SORCS3: variants seen among roughly 807,000 people sequenced by gnomAD.
SORCS3 encodes VPS10 domain-containing receptor SorCS3.
SORCS3 carries 57 observed loss-of-function variants against 146.3 expected under a neutral mutation model. The ratio of observed to expected loss-of-function variants is 0.39; its 90% CI spans 0.31 to 0.49. SORCS3 has a LOEUF of 0.49. Ranked by LOEUF, SORCS3 falls within the 20% of genes least tolerant of loss-of-function variation. The probability of loss-of-function intolerance (pLI) is 0.92; values close to 1 mark genes in which losing one functional copy is unlikely to be tolerated. For synonymous variants in SORCS3, 653 were observed against 618.5 expected, an observed-to-expected ratio of 1.06 and a Z score of -0.83; for missense variants, 1,341 against 1,575.5, an observed-to-expected ratio of 0.85 and a Z score of 2.52.
chr10:104,989,352 A>G (rs148999910), intron 4 of SORCS3, among the ~76,000 whole-genome samples: 9 of 152,344 alleles, frequency 5.9e-5, no homozygotes, highest in Non-Finnish European at 1.2e-4. Context: ...AATTAATTAT[A>G]GAACATTGAC....
chr10:105,258,138 C>T (rs2119767780), intron 25 of SORCS3, among the ~76,000 whole-genome samples: 1 of 152,266 alleles, frequency 6.6e-6, no homozygotes, highest in Admixed American at 6.5e-5. Context: ...TACCTCTCAG[C>T]ATTAGCCGCA....
intron 1 of SORCS3, among the ~76,000 whole-genome samples, chr10:104,781,758 G>A (rs569992435): frequency 5.3e-5 from 8 of 152,348 alleles, no homozygotes; most frequent in African/African-American, 7.2e-5. Context: ...AGATGGGCAG[G>A]TGCCCCCATA....
intron 1 of SORCS3, among the ~76,000 whole-genome samples, chr10:104,754,251 T>C (rs2017021315): frequency 6.6e-6 from 1 of 152,190 alleles, no homozygotes; most frequent in African/African-American, 2.4e-5. Context: ...CTCTGCTCTC[T>C]ACCAGTTTGT....
chr10:105,114,132 C>T (rs1331174520), intron 7 of SORCS3, among the ~76,000 whole-genome samples: 1 of 152,102 alleles, frequency 6.6e-6, no homozygotes, highest in Admixed American at 6.6e-5. Flanking sequence ...AGAACAGTCC[C>T]TTAGTAACCT....
At chr10:104,701,215 T>C (rs1445553634) in intron 1 of SORCS3, among the ~76,000 whole-genome samples, 1 of 152,196 alleles carries the variant, frequency 6.6e-6, no homozygotes, top group Non-Finnish European at 1.5e-5. Flanking sequence ...AAAAATCTCA[T>C]AGCAAGTGCA....
At chr10:105,214,377 C>T (rs2056652451) in intron 17 of SORCS3, 65 bp from the exon 18 acceptor site, 6 of 1,570,998 alleles carry the variant, frequency 3.8e-6, no homozygotes, top group Non-Finnish European at 4.4e-6. Context: ...CACACACACA[C>T]ACACATACAA....
At chr10:105,089,303 C>G (rs1223815030) in intron 5 of SORCS3, among the ~76,000 whole-genome samples, 1 of 152,156 alleles carries the variant, frequency 6.6e-6, no homozygotes, top group Non-Finnish European at 1.5e-5. Context: ...TATCTTGAAG[C>G]AAACAGCCCA....
chr10:104,944,701 CAA>C (rs1210029860), intron 3 of SORCS3, among the ~76,000 whole-genome samples: 2 of 152,154 alleles, frequency 1.3e-5, no homozygotes, highest in African/African-American at 2.4e-5. Flanking sequence ...AAGATAATAT[CAA>C]GTGTTGGCAA....
Position 104,830,277 on chromosome 10 carries a change from A to C in SORCS3, c.628-12515A>C, listed in dbSNP as rs1297417654. The stretch of plus-strand genomic sequence containing the variant: ...ATAGTATTTCTAAAAGAAGAGATTG[A>C]ATACAGGAATTGAATACAAGAGTGC... On this transcript the variant is annotated intron_variant, in intron 1 of 26. Coordinates refer to ENST00000369701, the MANE Select transcript of SORCS3 (RefSeq NM_014978.3). 2.6e-5 allele frequency among the ~76,000 whole-genome samples: 4 copies of C among 152,202 alleles called. No homozygotes were observed. In the East Asian group the frequency reaches 7.7e-4, roughly 29 times the overall value.
intron 7 of SORCS3, among the ~76,000 whole-genome samples, chr10:105,135,869 C>T (rs1487072754): frequency 6.6e-6 from 1 of 152,324 alleles, no homozygotes; most frequent in Non-Finnish European, 1.5e-5. Flanking sequence ...TATATTTCTA[C>T]AAGTATTCTG....
chr10:104,815,159 A>G (rs1420990648), intron 1 of SORCS3, among the ~76,000 whole-genome samples: 1 of 152,186 alleles, frequency 6.6e-6, no homozygotes, highest in African/African-American at 2.4e-5. Context: ...ACCACTGTAA[A>G]GAACAATGTG....
In SORCS3 at chr10:105,089,490, G is replaced by A. The variant is rs1263594546; in HGVS notation, c.1029-285G>A. Among the ~76,000 whole-genome samples the A allele has an allele frequency of 4.6e-5, 7 of 152,186 alleles. 2 individuals carry two copies. The South Asian group carries it at 1.2e-3, about 27-fold the overall frequency. ...AGATGGAGAAGGCCAGGAGCAAGGT[G>A]TAGACCAGCATGACTATGCACTCTG... On this transcript the variant is annotated intron_variant, in intron 5 of 26. Transcript: ENST00000369701.
intron 1 of SORCS3, among the ~76,000 whole-genome samples, chr10:104,720,710 A>G (rs2016537188): frequency 6.6e-6 from 1 of 152,074 alleles, no homozygotes; most frequent in Non-Finnish European, 1.5e-5. Flanking sequence ...TTTGATTTGC[A>G]TTTCTCTGAT....
intron 3 of SORCS3, among the ~76,000 whole-genome samples, chr10:104,921,084 G>T (rs1242763471): frequency 6.6e-6 from 1 of 152,180 alleles, no homozygotes; most frequent in Non-Finnish European, 1.5e-5. Flanking sequence ...CAGAGGAGTG[G>T]CTCCATTATG....
intron 1 of SORCS3, among the ~76,000 whole-genome samples, chr10:104,776,050 T>A (rs1180445837): frequency 6.6e-6 from 1 of 152,126 alleles, no homozygotes; most frequent in Non-Finnish European, 1.5e-5. Context: ...AAGATTCCAG[T>A]GTGACTGGGG....
Position 105,129,338 on chromosome 10 carries a change from T to C in SORCS3, c.1213-10059T>C, listed in dbSNP as rs959799712. 3.5e-3 allele frequency among the ~76,000 whole-genome samples: 391 copies of C among 110,292 alleles called. 6 individuals are homozygous for C. The highest frequency in any genetic ancestry group is 7.9e-3 in the South Asian group (31 of 3,928). The allele number at this position is 110,292 out of a possible 152,430, so 72.4% of individuals were successfully genotyped here. On this transcript the variant is annotated intron_variant, in intron 7 of 26. Coordinates refer to ENST00000369701, the MANE Select transcript of SORCS3 (RefSeq NM_014978.3). ...TTTTCTTTCTTTCTTTCTCTTTTTT[T>C]TTTTTTTTTTTTTTTTTTTACAAAA...
In SORCS3 at chr10:105,105,464, C is replaced by T. The variant is rs932683257; in HGVS notation, c.1161C>T (p.Arg387=). 6.2e-7 allele frequency: 1 copy of T among 1,613,750 alleles called. No homozygotes were observed. Among genetic ancestry groups the T allele is most frequent in the Non-Finnish European group, 8.5e-7 (1 of 1,179,692 alleles). The change falls in exon 7 of 27, where the codon CGC becomes CGT. Residue 387 remains arginine, a synonymous_variant. Transcript: ENST00000369701. ...CAACTAGAAGTGGGCCTTTTGCCCG[C>T]TCCATTGACATCAGTTCCCTGGTTG... The part of the protein sequence containing the change: ...AETTRSGPFA[R]SIDISSLVVQ...
chr10:105,261,801 A>T (rs912784565), intron 25 of SORCS3, among the ~76,000 whole-genome samples: 7 of 152,164 alleles, frequency 4.6e-5, no homozygotes, highest in Admixed American at 1.3e-4. Flanking sequence ...TGTCATCCCC[A>T]TTGAACAGAT....
intron 1 of SORCS3, among the ~76,000 whole-genome samples, chr10:104,791,172 G>A (rs1055542397): frequency 6.6e-6 from 1 of 152,178 alleles, no homozygotes; most frequent in African/African-American, 2.4e-5. Context: ...GTGGGGGTGT[G>A]TATGTCTGAG....
Sources: gnomAD v4.1 joint callset for allele counts (sites outside exome capture counted in the v4.1 genomes callset) on GRCh38, gnomAD v4.1.1 for gene constraint, MANE v1.5 for transcripts, NCBI Gene and HGNC (gene_info 2026-07-23, HGNC 2026-07-21) for gene names.